The following FRYL variants were observed in gnomAD, a reference collection of about 807,000 sequenced individuals.
FRYL encodes FRY like transcription coactivator, also known as protein furry homolog-like.
A neutral mutation model predicts 351.2 loss-of-function variants in FRYL; 150 were observed. That is an observed-to-expected ratio of 0.43 (90% confidence interval 0.37 to 0.49). FRYL has a LOEUF of 0.49. Ranked by LOEUF, FRYL falls within the 20% of genes least tolerant of loss-of-function variation. FRYL has a pLI of 0.00. For synonymous variants in FRYL, 1,153 were observed against 1,257.1 expected (o/e 0.92, Z 1.75); for missense variants, 3,036 against 3,619.3 (o/e 0.84, Z 4.13).
At chr4:48,658,906 T>A (rs1231693453) in intron 3 of FRYL, among the ~76,000 whole-genome samples, 1 of 152,176 alleles carries the variant, frequency 6.6e-6, no homozygotes, top group Middle Eastern at 3.2e-3. Context: ...TGAAACCTCA[T>A]TAAATACCAC....
In FRYL at chr4:48,579,050, G is replaced by A. The variant is rs761824869; in HGVS notation, c.2451C>T (p.His817=). 3.1e-6 allele frequency: 5 copies of A among 1,613,986 alleles called. No individual in the cohort carries two copies. The highest frequency in any genetic ancestry group is 4.2e-6 in the Non-Finnish European group (5 of 1,179,866). Residue 817 remains histidine, a synonymous_variant, in exon 23 of 64, where the codon CAC becomes CAT. Coordinates refer to ENST00000358350, the MANE Select transcript of FRYL (RefSeq NM_015030.2). The part of the protein sequence containing the change: ...SFLKQENLPK[H]CSTAVSYAWM... ...AAGCATAGCTCACAGCTGTAGAGCA[G>A]TGTTTAGGAAGATTTTCTTGCTTTA...
chr4:48,606,707 TCTC>T, intron 9 of FRYL, 101 bp from the exon 10 acceptor site: 1 of 810,846 alleles, frequency 1.2e-6, no homozygotes, highest in Non-Finnish European at 1.8e-6. Context: ...CTAAATATCA[TCTC>T]CTTTCTCTAC....
At chr4:48,761,939 A>T (rs1456605156) in intron 1 of FRYL, among the ~76,000 whole-genome samples, 2 of 152,194 alleles carry the variant, frequency 1.3e-5, no homozygotes, top group African/African-American at 4.8e-5. Context: ...TCTCTACCCA[A>T]AGTGATGACA....
chr4:48,589,836 T>C lies in FRYL; in HGVS notation c.1549A>G (p.Ser517Gly), dbSNP rs1198934620. The change falls in exon 18 of 64, where the codon AGC (serine) becomes GGC (glycine). Residue 517 changes from serine to glycine, a missense_variant. Ser to Gly is a moderately conservative substitution (Grantham distance 56). Coordinates refer to ENST00000358350, the MANE Select transcript of FRYL (RefSeq NM_015030.2). ...TCTTTGTCCAAATGTCTGAGGATGC[T>C]ATCTAATGCTTTTCTTACTTGAGGA... ...YYPQVRKALD[S>G]ILRHLDKEVG... The C allele has an allele frequency of 1.9e-6, 3 of 1,613,490 alleles. No homozygotes were observed. The African/African-American group carries it at 4.0e-5, about 22-fold the overall frequency.
chr4:48,535,953 C>A (rs1305903019), intron 47 of FRYL, 126 bp from the exon 48 acceptor site: 6 of 695,238 alleles, frequency 8.6e-6, no homozygotes, highest in Non-Finnish European at 1.3e-5. Flanking sequence ...CATTTTACTT[C>A]AATACGTTAG....
chr4:48,634,622 A>G (rs1753872344), intron 3 of FRYL, 132 bp from the exon 4 acceptor site: 1 of 565,044 alleles, frequency 1.8e-6, no homozygotes, highest in Non-Finnish European at 3.1e-6. Context: ...ACCATAATCC[A>G]TTTTGTCTAT....
chr4:48,775,210 G>A (rs1319948256), intron 1 of FRYL, among the ~76,000 whole-genome samples: 1 of 152,182 alleles, frequency 6.6e-6, no homozygotes, highest in Non-Finnish European at 1.5e-5. Context: ...TTTGGAAGAG[G>A]CTATGCCGAA....
intron 1 of FRYL, among the ~76,000 whole-genome samples, chr4:48,728,367 A>G (rs562924279): frequency 6.6e-6 from 1 of 152,140 alleles, no homozygotes; most frequent in Non-Finnish European, 1.5e-5. Context: ...AGAGGACGAA[A>G]CACAAAACTC....
intron 3 of FRYL, chr4:48,637,016 T>C (rs1206930996): frequency 2.6e-5 from 4 of 152,042 alleles, no homozygotes; most frequent in African/African-American, 2.4e-5. Context: ...TAAGAGTATG[T>C]ATATAAAACC....
intron 3 of FRYL, among the ~76,000 whole-genome samples, chr4:48,671,040 G>T (rs918655602): frequency 5.3e-5 from 8 of 152,100 alleles, no homozygotes; most frequent in African/African-American, 1.9e-4. Flanking sequence ...TCTCCATAGT[G>T]GTTGTACTAA....
chr4:48,678,412 G>A (rs1417506407), intron 3 of FRYL, among the ~76,000 whole-genome samples: 1 of 150,082 alleles, frequency 6.7e-6, no homozygotes, highest in Non-Finnish European at 1.5e-5. Context: ...GGGGGACTGA[G>A]GCAGGAGAAT....
At chr4:48,722,146 A>T (rs1400261806) in intron 1 of FRYL, among the ~76,000 whole-genome samples, 1 of 152,212 alleles carries the variant, frequency 6.6e-6, no homozygotes, top group Non-Finnish European at 1.5e-5. Flanking sequence ...ACTTTACCCG[A>T]GGAATTGTTC....
At chr4:48,541,797 G>A (rs1361941967) in intron 45 of FRYL, among the ~76,000 whole-genome samples, 1 of 152,174 alleles carries the variant, frequency 6.6e-6, no homozygotes, top group Non-Finnish European at 1.5e-5. Context: ...ATGAAGTGGT[G>A]CATTAGAAAG....
At chr4:48,542,001 T>C in intron 45 of FRYL, 26 bp downstream of exon 45, 1 of 1,498,988 alleles carries the variant, frequency 6.7e-7, no homozygotes, top group Admixed American at 1.7e-5. Flanking sequence ...TCTCTCTATA[T>C]TAGGTTGCCT....
chr4:48,768,246 G>C (rs539516900), intron 1 of FRYL, among the ~76,000 whole-genome samples: 2 of 152,120 alleles, frequency 1.3e-5, no homozygotes, highest in African/African-American at 4.8e-5. Context: ...TCTGAATTGC[G>C]ATAGCACTCA....
At chr4:48,522,536 GCT>G (rs746829119) in intron 54 of FRYL, among the ~76,000 whole-genome samples, 7 of 152,170 alleles carry the variant, frequency 4.6e-5, no homozygotes, top group South Asian at 2.1e-4. Context: ...CCAAACTTGT[GCT>G]CTGTTTTTCC....
intron 1 of FRYL, among the ~76,000 whole-genome samples, chr4:48,725,324 T>C (rs1769961670): frequency 6.6e-6 from 1 of 152,164 alleles, no homozygotes. Context: ...AAATACCAAC[T>C]GCAATCTTCA....
intron 27 of FRYL, among the ~76,000 whole-genome samples, chr4:48,570,170 A>G (rs1371920458): frequency 6.6e-6 from 1 of 152,042 alleles, no homozygotes; most frequent in Non-Finnish European, 1.5e-5. Flanking sequence ...GGTCACATCT[A>G]TTATATTTCT....
chr4:48,528,257 G>A lies in FRYL; in HGVS notation c.6983C>T (p.Thr2328Ile), dbSNP rs1356756020. 5 of 1,613,054 alleles carry A rather than the reference G, an allele frequency of 3.1e-6. No individual in the cohort carries two copies. The highest frequency in any genetic ancestry group is 4.2e-6 in the Non-Finnish European group (5 of 1,179,312). Reference protein sequence around the residue: ...RNGKPKVIAVTRSTSSTSSGS... With the variant: ...RNGKPKVIAVIRSTSSTSSGS... The stretch of plus-strand genomic sequence containing the variant: ...AGAAGAAGTTGAGGAAGTACTTCTA[G>A]TGACAGCAATAACTTTTGGTTTCCC... Residue 2328 changes from threonine to isoleucine, a missense_variant, in exon 51 of 64, where the codon ACT (threonine) becomes ATT (isoleucine). Thr to Ile is a moderately conservative substitution (Grantham distance 89). This residue lies in a region of FRYL where 1,987 missense variants were observed against 2,311.7 expected (regional missense o/e 0.86). Coordinates refer to ENST00000358350, the MANE Select transcript of FRYL (RefSeq NM_015030.2).
Sources: gnomAD v4.1 joint callset for allele counts (sites outside exome capture counted in the v4.1 genomes callset) on GRCh38, gnomAD v4.1.1 for gene constraint, gnomAD v4.1.1 regional missense constraint, MANE v1.5 for transcripts, NCBI Gene and HGNC (gene_info 2026-07-23, HGNC 2026-07-21) for gene names.